Variants in FOXN2 observed in about 807,000 individuals in gnomAD.
FOXN2 encodes the protein forkhead box protein N2.
A neutral mutation model predicts 41.2 loss-of-function variants in FOXN2; 19 were observed. That is an observed-to-expected ratio of 0.46 (90% CI 0.32 to 0.68). The LOEUF (loss-of-function observed/expected upper bound fraction) is 0.68, where lower values mean the gene tolerates loss of function less well. FOXN2 is among the 30% of genes least tolerant of loss of function. The pLI, the probability that FOXN2 is intolerant of heterozygous loss-of-function variation, is 0.03. For missense variants in FOXN2, 587 were observed against 509.4 expected (o/e 1.15, Z -1.47); for synonymous variants, 195 against 176.8 (o/e 1.10, Z -0.82).
intron 2 of FOXN2, among the ~76,000 whole-genome samples, chr2:48,343,446 T>C (rs779828148): frequency 6.6e-6 from 1 of 152,148 alleles, no homozygotes. Flanking sequence ...AAAGATTCAT[T>C]AGGAATGCAA....
intron 4 of FOXN2, 55 bp from the exon 5 acceptor site, chr2:48,362,587 GA>G (rs1672259993): frequency 5.3e-6 from 8 of 1,508,630 alleles, no homozygotes; most frequent in South Asian, 4.5e-5. Context: ...AAATTAGGGG[GA>G]AAAAGTGAAG....
chr2:48,351,425 A>G (rs766788437), intron 3 of FOXN2, among the ~76,000 whole-genome samples: 3 of 152,342 alleles, frequency 2.0e-5, no homozygotes, highest in South Asian at 2.1e-4. Flanking sequence ...AAGAAATATC[A>G]TAATAGCAAC....
At chr2:48,355,785 T>A (rs1671754583) in intron 3 of FOXN2, among the ~76,000 whole-genome samples, 1 of 152,222 alleles carries the variant, frequency 6.6e-6, no homozygotes, top group African/African-American at 2.4e-5. Flanking sequence ...GATAGCCAGC[T>A]GATACAGCTG....
chr2:48,370,800 T>A (rs1364914401), intron 5 of FOXN2, among the ~76,000 whole-genome samples: 2 of 152,198 alleles, frequency 1.3e-5, no homozygotes, highest in East Asian at 3.8e-4. Flanking sequence ...CTTTTTAGTT[T>A]GATATAATTA....
At chr2:48,373,839 G>C (rs926856181) in intron 6 of FOXN2, among the ~76,000 whole-genome samples, 1 of 152,096 alleles carries the variant, frequency 6.6e-6, no homozygotes, top group Admixed American at 6.6e-5. Context: ...TGGATCACTT[G>C]AGACCAGGAG....
intron 2 of FOXN2, among the ~76,000 whole-genome samples, chr2:48,330,238 C>T (rs778678451): frequency 2.6e-5 from 4 of 151,688 alleles, no homozygotes; most frequent in Non-Finnish European, 5.9e-5. Context: ...AGAAATGGTA[C>T]CTTATTATAA....
At chr2:48,359,018 C>A in intron 3 of FOXN2, 29 bp from the exon 4 acceptor site, 1 of 1,527,688 alleles carries the variant, frequency 6.5e-7, no homozygotes, top group South Asian at 1.1e-5. Flanking sequence ...TATAAAAGTT[C>A]CTAGTTATTC....
chr2:48,325,666 C>T (rs1669614329), intron 1 of FOXN2, among the ~76,000 whole-genome samples: 1 of 152,042 alleles, frequency 6.6e-6, no homozygotes, highest in South Asian at 2.1e-4. Context: ...AATATTTGAG[C>T]AGTAAACAAA....
chr2:48,364,287 G>A (rs904663214), intron 5 of FOXN2, among the ~76,000 whole-genome samples: 1 of 152,046 alleles, frequency 6.6e-6, no homozygotes, highest in Non-Finnish European at 1.5e-5. Context: ...GAGGGCAATG[G>A]CACAGTCATG....
chr2:48,335,350 TAATG>T (rs1670265708), intron 2 of FOXN2, among the ~76,000 whole-genome samples: 1 of 152,118 alleles, frequency 6.6e-6, no homozygotes, highest in Non-Finnish European at 1.5e-5. Context: ...AAAGTTAGCA[TAATG>T]AAAGGTAAAT....
At chr2:48,370,910 G>A (rs1356570816) in intron 5 of FOXN2, among the ~76,000 whole-genome samples, 3 of 151,986 alleles carry the variant, frequency 2.0e-5, no homozygotes, top group East Asian at 3.9e-4. Context: ...TTTTCTCCTG[G>A]TAGTTTTATC....
rs753128078 is a variant in FOXN2, at chr2:48,374,974, A to G, written c.827A>G (p.Asn276Ser). The stretch of plus-strand genomic sequence containing the variant: ...TTGCAAAAAAAGAGGAGTTACGGCA[A>G]TGCATTTCATCATCCCAGTGCTGTA... Reference protein sequence around the residue: ...TALQKKRSYGNAFHHPSAVRL... With the variant: ...TALQKKRSYGSAFHHPSAVRL... The change falls in exon 7 of 7, where the codon AAT becomes AGT. Residue 276 changes from asparagine (N) to serine (S), a missense_variant. Coordinates refer to ENST00000340553, the MANE Select transcript of FOXN2 (RefSeq NM_002158.4). 16 of 1,613,784 alleles carry G rather than the reference A, an allele frequency of 9.9e-6. No individual in the cohort carries two copies. In the East Asian group the frequency reaches 2.9e-4, roughly 29 times the overall value.
At chr2:48,324,073 A>G (rs1246536816) in intron 1 of FOXN2, among the ~76,000 whole-genome samples, 2 of 152,208 alleles carry the variant, frequency 1.3e-5, no homozygotes, top group African/African-American at 4.8e-5. Context: ...CTATTGTCAT[A>G]TGTCATCAAC....
intron 3 of FOXN2, among the ~76,000 whole-genome samples, chr2:48,357,654 C>G (rs1671891132): frequency 1.3e-5 from 2 of 151,880 alleles, no homozygotes; most frequent in South Asian, 2.1e-4. Context: ...TTAAGCTGCT[C>G]TTGAACTCCT....
chr2:48,358,566 C>T (rs1671957836), intron 3 of FOXN2, among the ~76,000 whole-genome samples: 1 of 151,992 alleles, frequency 6.6e-6, no homozygotes, highest in Non-Finnish European at 1.5e-5. Context: ...AAAAGAGCGT[C>T]AATAATAGAC....
chr2:48,331,138 C>T (rs1346544423), intron 2 of FOXN2, among the ~76,000 whole-genome samples: 3 of 152,096 alleles, frequency 2.0e-5, no homozygotes, highest in Non-Finnish European at 2.9e-5. Flanking sequence ...GTGACTGGCT[C>T]AAGGGTACAA....
rs1052158353 is a variant in FOXN2, at chr2:48,323,732, A to G, written c.-156-4829A>G. Among the ~76,000 whole-genome samples, 5 of 151,982 alleles carry G rather than the reference A, an allele frequency of 3.3e-5. No individual in the cohort carries two copies. In the South Asian group the frequency reaches 6.2e-4, roughly 19 times the overall value. On this transcript the variant is annotated intron_variant, in intron 1 of 6. Coordinates refer to ENST00000340553, the MANE Select transcript of FOXN2 (RefSeq NM_002158.4). Reference sequence around the variant, plus strand: ...TGTGCAGAAGCTTTTTAGCTGATTAAGGTCTCATTTGTCTGTTTTTGGTTT... The same window carrying G: ...TGTGCAGAAGCTTTTTAGCTGATTAGGGTCTCATTTGTCTGTTTTTGGTTT...
chr2:48,373,243 G>C (rs781364662), intron 5 of FOXN2, 49 bp from the exon 6 acceptor site: 23 of 1,311,536 alleles, frequency 1.8e-5, no homozygotes, highest in Non-Finnish European at 2.5e-5. Context: ...ACTTAGAATA[G>C]CCTCTCCTTT....
At chr2:48,342,053 T>C (rs929978491) in intron 2 of FOXN2, among the ~76,000 whole-genome samples, 1 of 152,174 alleles carries the variant, frequency 6.6e-6, no homozygotes, top group Admixed American at 6.5e-5. Context: ...GTACAGCCTT[T>C]TCTCCCTTGA....
Sources: allele counts gnomAD v4.1 joint callset (sites outside exome capture counted in the v4.1 genomes callset), GRCh38; gene constraint gnomAD v4.1.1; transcripts MANE v1.5; gene names NCBI Gene and HGNC (gene_info 2026-07-23, HGNC 2026-07-21).